FGF13: variants seen among roughly 807,000 people sequenced by gnomAD.
FGF13 encodes fibroblast growth factor homologous factor 2.
In FGF13, 2 loss-of-function variants were observed where a neutral mutation model predicts 19.5. That is an observed-to-expected ratio of 0.10 (90% CI 0.04 to 0.32). The LOEUF is 0.32. Ranked by LOEUF, FGF13 falls within the 10% of genes least tolerant of loss-of-function variation. FGF13 has a pLI of 1.00. For missense variants in FGF13, 113 were observed against 192.7 expected (o/e 0.59, Z 2.45); for synonymous variants, 72 against 76.9 (o/e 0.94, Z 0.33).
intron 1 of FGF13, among the ~76,000 whole-genome samples, chrX:139,195,993 C>A (rs1360794953): frequency 9.0e-6 from 1 of 111,277 alleles, no homozygotes; most frequent in Non-Finnish European, 1.9e-5. Flanking sequence ...ATGAGCTCAG[C>A]ACACCCTGAG....
Position 138,733,881 on chromosome X carries a change from GA to G in FGF13, c.28+5360del, listed in dbSNP as rs1333961621. 6.5e-4 allele frequency among the ~76,000 whole-genome samples: 69 copies of G among 106,396 alleles called. 1 individual carries two copies. Among genetic ancestry groups the G allele is most frequent in the Admixed American group, 1.7e-3 (17 of 9,934 alleles). 92.4% of individuals were successfully genotyped at this position (106,396 alleles called of 115,157 possible). Reference sequence around the variant, plus strand: ...TCTGAGAATGAAATAGTATGGACAGGAAAAAAAAAATGAAAACCTGACATTT... The same window carrying G: ...TCTGAGAATGAAATAGTATGGACAGGAAAAAAAAATGAAAACCTGACATTT... On this transcript the variant is annotated intron_variant, in intron 1 of 4. Transcript: ENST00000305414.
intron 1 of FGF13, among the ~76,000 whole-genome samples, chrX:139,115,362 A>T (rs1439277148): frequency 8.9e-6 from 1 of 112,274 alleles, no homozygotes; most frequent in Admixed American, 9.5e-5. Flanking sequence ...TTTCTAACTG[A>T]TATGTAAAAG....
At chrX:138,888,299 A>C (rs1437641648) in intron 1 of FGF13, among the ~76,000 whole-genome samples, 1 of 112,059 alleles carries the variant, frequency 8.9e-6, no homozygotes, top group Non-Finnish European at 1.9e-5. Flanking sequence ...CAGATACTGA[A>C]ATTGAGAAGG....
intron 3 of FGF13, among the ~76,000 whole-genome samples, chrX:138,809,235 A>G: frequency 8.9e-6 from 1 of 111,997 alleles, no homozygotes; most frequent in East Asian, 2.8e-4. Flanking sequence ...TATATCAAAA[A>G]GCTTATCCAT....
At position 138,944,053 on chromosome X, in the gene FGF13, C is replaced by A. The variant is rs773340892; in HGVS notation, c.-112-79403G>T. On this transcript the variant is annotated intron_variant, in intron 1 of 2. Coordinates refer to the FGF13 transcript ENST00000421460. ...TATTAGTGCCCCTGTTCTACCAACT[C>A]ATCGAGCAAAGATTTATGGAATGCC... 2.7e-5 allele frequency among the ~76,000 whole-genome samples: 3 copies of A among 111,110 alleles called. No homozygotes were observed. The South Asian group carries it at 1.2e-3, about 43-fold the overall frequency.
intron 1 of FGF13, among the ~76,000 whole-genome samples, chrX:138,930,915 G>A (rs1325349881): frequency 8.9e-6 from 1 of 112,374 alleles, no homozygotes; most frequent in African/African-American, 3.2e-5. Context: ...AGGTACACAC[G>A]TATCCTACAT....
chrX:138,704,012 C>T lies in FGF13; in HGVS notation c.299-925G>A, dbSNP rs372396649. On this transcript the variant is annotated intron_variant, in intron 2 of 4. Coordinates refer to ENST00000315930, the MANE Select transcript of FGF13 (RefSeq NM_004114.5). Reference sequence around the variant, plus strand: ...TACAGGCGTGAGCCACCATGCCCGGCTTCAGAGTAGTATTTCTTAAAGGAC... The same window carrying T: ...TACAGGCGTGAGCCACCATGCCCGGTTTCAGAGTAGTATTTCTTAAAGGAC... 3.6e-5 allele frequency among the ~76,000 whole-genome samples: 4 copies of T among 112,373 alleles called. No homozygotes were observed. The East Asian group carries it at 8.4e-4, about 24-fold the overall frequency.
chrX:139,155,896 T>G (rs1043703754), intron 1 of FGF13, among the ~76,000 whole-genome samples: 1 of 112,133 alleles, frequency 8.9e-6, no homozygotes, highest in Non-Finnish European at 1.9e-5. Context: ...GTGCTTGGGA[T>G]CATGGTTTAG....
chrX:139,114,197 C>CTT (rs974766640), intron 1 of FGF13, among the ~76,000 whole-genome samples: 7 of 111,700 alleles, frequency 6.3e-5, no homozygotes, highest in African/African-American at 2.3e-4. Flanking sequence ...GTTATTTTGC[C>CTT]TTAAAGTAAG....
chrX:139,164,670 TAG>T (rs1244307941), intron 1 of FGF13, among the ~76,000 whole-genome samples: 1 of 104,264 alleles, frequency 9.6e-6, no homozygotes, highest in African/African-American at 3.5e-5. Context: ...ACCTGGGTGA[TAG>T]AGTGAGACCT....
intron 1 of FGF13, among the ~76,000 whole-genome samples, chrX:139,187,723 A>G (rs980980188): frequency 2.7e-5 from 3 of 112,197 alleles, no homozygotes; most frequent in African/African-American, 9.7e-5. Context: ...CTTGTTTTTC[A>G]TGCATTTCTT....
intron 3 of FGF13, among the ~76,000 whole-genome samples, chrX:138,823,322 A>G (rs778564375): frequency 1.1e-4 from 12 of 111,490 alleles, no homozygotes; most frequent in African/African-American, 3.6e-4. Context: ...GGGTGGGGCC[A>G]CAGAAGTTCA....
intron 3 of FGF13, among the ~76,000 whole-genome samples, chrX:138,640,858 TGTTTC>T (rs1162411506): frequency 8.9e-6 from 1 of 112,028 alleles, no homozygotes; most frequent in Non-Finnish European, 1.9e-5. Flanking sequence ...AGGGTGGCAC[TGTTTC>T]ATGTGTGTCC....
intron 1 of FGF13, among the ~76,000 whole-genome samples, chrX:138,921,108 TC>T (rs1458771787): frequency 6.3e-5 from 7 of 111,793 alleles, no homozygotes; most frequent in African/African-American, 2.3e-4. Flanking sequence ...TGTAAAAGTC[TC>T]AGTCTGGTGC....
chrX:138,759,367 G>C (rs2090451067), intron 3 of FGF13, among the ~76,000 whole-genome samples: 1 of 112,600 alleles, frequency 8.9e-6, no homozygotes, highest in Admixed American at 9.4e-5. Flanking sequence ...AACTGGCTGA[G>C]AGGGAGCTAT....
chrX:138,677,182 G>A (rs896046321), intron 3 of FGF13, among the ~76,000 whole-genome samples: 11 of 111,814 alleles, frequency 9.8e-5, no homozygotes, highest in African/African-American at 3.6e-4. Flanking sequence ...TTGTGGGATG[G>A]TAGCTTAAGA....
At chrX:138,639,734 T>G (rs774506158) in intron 3 of FGF13, among the ~76,000 whole-genome samples, 26 of 111,559 alleles carry the variant, frequency 2.3e-4, no homozygotes, top group African/African-American at 8.5e-4. Flanking sequence ...CTCATGCCTG[T>G]AATCCCAGCA....
intron 3 of FGF13, among the ~76,000 whole-genome samples, chrX:138,814,361 G>A (rs931523338): frequency 9.1e-6 from 1 of 110,091 alleles, no homozygotes; most frequent in Non-Finnish European, 1.9e-5. Context: ...TGTTGGGATT[G>A]CATCAAACTA....
intron 1 of FGF13, among the ~76,000 whole-genome samples, chrX:139,168,149 A>G (rs754737095): frequency 1.3e-4 from 15 of 111,711 alleles, no homozygotes; most frequent in Non-Finnish European, 2.6e-4. Flanking sequence ...TCAAGATGCC[A>G]AGTCTCCAAA....
Sources: gnomAD v4.1 joint callset for allele counts (sites outside exome capture counted in the v4.1 genomes callset) on GRCh38, gnomAD v4.1.1 for gene constraint, MANE v1.5 for transcripts, NCBI Gene and HGNC (gene_info 2026-07-23, HGNC 2026-07-21) for gene names.